Variants in COL27A1 observed in about 807,000 individuals in gnomAD.
COL27A1 encodes the protein collagen type XXVII alpha 1 chain.
In COL27A1, 106 loss-of-function variants were observed where a neutral mutation model predicts 251.3. The ratio of observed to expected loss-of-function variants is 0.42; its 90% CI spans 0.36 to 0.50. The LOEUF (loss-of-function observed/expected upper bound fraction) is 0.50, where lower values mean the gene tolerates loss of function less well. Ranked by LOEUF, COL27A1 falls within the 20% of genes least tolerant of loss-of-function variation. COL27A1 has a pLI of 0.00. For synonymous variants in COL27A1, 1,000 were observed against 986.3 expected (o/e 1.01, Z -0.26); for missense variants, 2,325 against 2,522.8 (o/e 0.92, Z 1.68).
intron 35 of COL27A1, among the ~76,000 whole-genome samples, chr9:114,269,634 A>G (rs113059913): frequency 0.09 from 10,222 of 113,886 alleles, 559 homozygotes; most frequent in African/African-American, 0.17. Flanking sequence ...AAAAAAAAAA[A>G]AAGAAGAAGA....
At chr9:114,224,648 C>CT (rs5900075) in intron 14 of COL27A1, among the ~76,000 whole-genome samples, 61,641 of 97,448 alleles carry the variant, frequency 0.63, 21,326 homozygotes, top group South Asian at 0.8. Flanking sequence ...CCTCCTGGTT[C>CT]TTTTTTTTTT....
intron 56 of COL27A1, among the ~76,000 whole-genome samples, chr9:114,302,726 C>CAAAAAA (rs60188308): frequency 7.2e-6 from 1 of 139,226 alleles, no homozygotes; most frequent in Non-Finnish European, 1.6e-5. Flanking sequence ...ACAAAAAAAA[C>CAAAAAA]AAAAAAAAAA....
intron 37 of COL27A1, among the ~76,000 whole-genome samples, chr9:114,280,937 A>G (rs1835863504): frequency 6.6e-6 from 1 of 152,216 alleles, no homozygotes; most frequent in Admixed American, 6.5e-5. Flanking sequence ...TGCCTCCAGA[A>G]CAGCTGCAGA....
In COL27A1 at chr9:114,235,706, C is replaced by T. The variant is rs1455112946; in HGVS notation, c.2619+54C>T. 3.5e-6 allele frequency: 5 copies of T among 1,422,370 alleles called. No individual in the cohort carries two copies. The African/African-American group carries it at 7.0e-5, about 20-fold the overall frequency. 88.1% of individuals were successfully genotyped at this position (1,422,370 alleles called of 1,614,324 possible). A position where few individuals can be genotyped will look rare whatever the true frequency, so the allele number is the denominator to read the frequency against. ...TGCCCCTGCCCCTGCCCTGCTGTTC[C>T]CCTGGTCTTGGCTTCCTTCCTAGGG... On this transcript the variant is annotated intron_variant, in intron 17 of 60. Transcript: ENST00000356083.
At chr9:114,254,114 C>G (rs1269169046) in intron 27 of COL27A1, among the ~76,000 whole-genome samples, 2 of 152,036 alleles carry the variant, frequency 1.3e-5, no homozygotes, top group African/African-American at 4.8e-5. Flanking sequence ...AGCATGTAGT[C>G]TGGTATGGGG....
rs1325176770 is a variant in COL27A1, at chr9:114,169,258, T to C, written c.1703T>C (p.Leu568Ser). ...RPGKAARDVP[L>S]SDLTTRPSPR... is the part of the protein sequence containing the mutation. ...GGGAAGGCAGCCAGGGATGTCCCCTTGAGCGATCTGACAACCAGGCCTAGC... is the reference window on the plus strand; with the variant it reads ...GGGAAGGCAGCCAGGGATGTCCCCTCGAGCGATCTGACAACCAGGCCTAGC... The change falls in exon 3 of 61, where the codon TTG becomes TCG. Residue 568 changes from leucine (L) to serine (S), a missense_variant. Physicochemically the swap from Leu to Ser is moderately radical, Grantham distance 145. Transcript: ENST00000356083. 6.2e-7 allele frequency: 1 copy of C among 1,612,892 alleles called. No homozygotes were observed. Among genetic ancestry groups the C allele is most frequent in the African/African-American group, 1.3e-5 (1 of 74,874 alleles).
chr9:114,286,098 G>T (rs1262012581), intron 41 of COL27A1, among the ~76,000 whole-genome samples: 1 of 152,202 alleles, frequency 6.6e-6, no homozygotes, highest in Non-Finnish European at 1.5e-5. Flanking sequence ...ACTTATGGAG[G>T]ATTTAGTGTG....
chr9:114,194,349 G>A (rs2135240694), intron 5 of COL27A1, 55 bp from the exon 6 acceptor site: 1 of 1,552,390 alleles, frequency 6.4e-7, no homozygotes, highest in Non-Finnish European at 8.9e-7. Flanking sequence ...TTGTGGGGAG[G>A]CAGACATCCT....
chr9:114,220,919 C>T (rs1462421269), intron 13 of COL27A1, among the ~76,000 whole-genome samples: 2 of 146,894 alleles, frequency 1.4e-5, no homozygotes, highest in African/African-American at 2.5e-5. Context: ...TGCTTGAACC[C>T]AGGAGGTGGA....
intron 3 of COL27A1, among the ~76,000 whole-genome samples, chr9:114,170,187 AGG>A (rs1725920488): frequency 6.6e-6 from 1 of 152,204 alleles, no homozygotes; most frequent in Admixed American, 6.5e-5. Context: ...TGGCACCTGC[AGG>A]GGTTTGATTT....
chr9:114,191,173 T>C (rs955777001), intron 5 of COL27A1, among the ~76,000 whole-genome samples: 1 of 152,160 alleles, frequency 6.6e-6, no homozygotes, highest in African/African-American at 2.4e-5. Context: ...GGATTGTAGT[T>C]TTTCATCTGC....
intron 3 of COL27A1, among the ~76,000 whole-genome samples, chr9:114,169,861 ATGG>A (rs1402076395): frequency 1.3e-5 from 2 of 152,240 alleles, no homozygotes; most frequent in Admixed American, 1.3e-4. Context: ...CTCCCAGCTC[ATGG>A]AGCAGGGGTC....
chr9:114,263,526 C>T (rs1306007668), intron 28 of COL27A1, among the ~76,000 whole-genome samples: 3 of 152,126 alleles, frequency 2.0e-5, no homozygotes, highest in South Asian at 2.1e-4. Context: ...TCTGTGGGAG[C>T]GGCCCTGGAG....
intron 28 of COL27A1, among the ~76,000 whole-genome samples, chr9:114,263,465 C>T (rs983787427): frequency 1.3e-5 from 2 of 152,058 alleles, no homozygotes; most frequent in African/African-American, 4.8e-5. Flanking sequence ...AGAACACAGC[C>T]TGCTCTGTTT....
At chr9:114,288,627 C>T (rs566293501) in intron 42 of COL27A1, 75 bp from the exon 43 acceptor site, 14 of 1,562,090 alleles carry the variant, frequency 9.0e-6, no homozygotes, top group South Asian at 7.0e-5. Flanking sequence ...CCGCAGAGGT[C>T]GCGGCCAACA....
At chr9:114,288,618 C>G in intron 42 of COL27A1, 84 bp from the exon 43 acceptor site, 1 of 1,554,526 alleles carries the variant, frequency 6.4e-7, no homozygotes, top group South Asian at 1.2e-5. Flanking sequence ...CTGAGAGCTC[C>G]GCAGAGGTCG....
At chr9:114,187,960 T>G (rs756604478) in intron 5 of COL27A1, among the ~76,000 whole-genome samples, 1 of 152,234 alleles carries the variant, frequency 6.6e-6, no homozygotes, top group Non-Finnish European at 1.5e-5. Flanking sequence ...TGTGCCCAAG[T>G]TTGAATCCTG....
At chr9:114,245,398 T>G (rs1266416810) in intron 23 of COL27A1, among the ~76,000 whole-genome samples, 2 of 152,034 alleles carry the variant, frequency 1.3e-5, no homozygotes, top group African/African-American at 4.8e-5. Flanking sequence ...CTCAGGTGAT[T>G]CGCCTGCCTC....
At position 114,267,537 on chromosome 9, in the gene COL27A1, C is replaced by T. The variant is rs1834830623; in HGVS notation, c.3481C>T (p.Pro1161Ser). The T allele has an allele frequency of 6.3e-7, 1 of 1,592,606 alleles. No homozygotes were observed. Among genetic ancestry groups the T allele is most frequent in the Non-Finnish European group, 8.5e-7 (1 of 1,172,636 alleles). The part of the protein sequence containing the change: ...PPGAVGEPGL[P>S]GEAGMKGDLG... Reference sequence around the variant, plus strand: ...TGGTGCAGTGGGAGAACCGGGCCTTCCTGGGGAAGCCGGGATGAAGGTGAG... The same window carrying T: ...TGGTGCAGTGGGAGAACCGGGCCTTTCTGGGGAAGCCGGGATGAAGGTGAG... The change falls in exon 34 of 61, where the codon CCT becomes TCT. Residue 1161 changes from proline to serine, a missense_variant. Physicochemically the swap from Pro to Ser is moderately conservative, Grantham distance 74. Coordinates refer to ENST00000356083, the MANE Select transcript of COL27A1 (RefSeq NM_032888.4).
Sources: gnomAD v4.1 joint callset for allele counts (sites outside exome capture counted in the v4.1 genomes callset) on GRCh38, gnomAD v4.1.1 for gene constraint, MANE v1.5 for transcripts, NCBI Gene and HGNC (gene_info 2026-07-23, HGNC 2026-07-21) for gene names.